The following KAT6A variants were observed in gnomAD, a reference collection of about 807,000 sequenced individuals.
KAT6A encodes the protein lysine acetyltransferase 6A.
In KAT6A, 9 loss-of-function variants were observed where a neutral mutation model predicts 198.4. That is an observed-to-expected ratio of 0.05 (90% CI 0.03 to 0.08). KAT6A has a LOEUF of 0.08. Among genes scored for constraint, KAT6A ranks in the 10% least tolerant of loss-of-function variants. KAT6A has a pLI of 1.00. For synonymous variants in KAT6A, 890 were observed against 883.0 expected, an observed-to-expected ratio of 1.01 and a Z score of -0.14; for missense variants, 2,077 against 2,509.9, an observed-to-expected ratio of 0.83 and a Z score of 3.69.
At chr8:42,019,581 C>G (rs1176395834) in intron 2 of KAT6A, among the ~76,000 whole-genome samples, 2 of 152,156 alleles carry the variant, frequency 1.3e-5, no homozygotes, top group Admixed American at 6.5e-5. Context: ...AAGAGGTTAA[C>G]TACTCTGCCA....
At position 41,934,230 on chromosome 8, in the gene KAT6A, C is replaced by T. The variant is rs1229306551; in HGVS notation, c.3990G>A (p.Lys1330=). 1.2e-6 allele frequency: 2 copies of T among 1,614,152 alleles called. No homozygotes were observed. The highest frequency in any genetic ancestry group is 3.3e-5 in the Admixed American group (2 of 60,016). ...CCCTCGTGGGCTGTTCCTCTAGCTC[C>T]TTTTTCTTTGTGGACTCCAGGTGGC... ...DDGHLESTKK[K]ELEEQPTRED... is the part of the protein sequence containing the mutation. Residue 1330 remains lysine (K), a synonymous_variant, in exon 17 of 17, where the codon AAG becomes AAA. Coordinates refer to ENST00000265713, the MANE Select transcript of KAT6A (RefSeq NM_006766.5).
intron 2 of KAT6A, among the ~76,000 whole-genome samples, chr8:42,025,534 C>T (rs536295374): frequency 1.3e-5 from 2 of 152,174 alleles, no homozygotes; most frequent in African/African-American, 4.8e-5. Context: ...TTTTATACAC[C>T]TGTTGGCCAT....
rs192840508 is a variant in KAT6A, at chr8:41,938,674, C to T, written c.3040-1106G>A. ...TATGTTAAACACAGGAGGCCAGGCGCGGTGGCTCACACCTGTAATCCCAGC... is the reference window on the plus strand; with the variant it reads ...TATGTTAAACACAGGAGGCCAGGCGTGGTGGCTCACACCTGTAATCCCAGC... On this transcript the variant is annotated intron_variant, in intron 15 of 16. Coordinates refer to ENST00000265713, the MANE Select transcript of KAT6A (RefSeq NM_006766.5). Among the ~76,000 whole-genome samples the T allele has an allele frequency of 2.1e-3, 313 of 152,140 alleles. 2 individuals are homozygous for T. Among genetic ancestry groups the T allele is most frequent in the African/African-American group, 7.1e-3 (295 of 41,508 alleles).
rs1276422074 is a variant in KAT6A, at chr8:41,933,695, A to G, written c.4525T>C (p.Tyr1509His). 6.2e-7 allele frequency: 1 copy of G among 1,614,050 alleles called. No homozygotes were observed. The highest frequency in any genetic ancestry group is 1.7e-5 in the Admixed American group (1 of 60,004). The change falls in exon 17 of 17, where the codon TAC becomes CAC. Residue 1509 changes from tyrosine to histidine, a missense_variant. By Grantham distance (83) the Tyr-to-His change is moderately conservative. Coordinates refer to ENST00000265713, the MANE Select transcript of KAT6A (RefSeq NM_006766.5). This position sits in a 1 kb window ranked among gnomAD's most constrained non-coding sequence, Gnocchi z 6.2. ...CCTTGTTCTGGGCTGATCTGGGTGT[A>G]GCCACTCTCAAGGGCAGGCACGTTG... is the stretch of plus-strand genomic sequence containing the variant. ...SPNVPALESG[Y>H]TQISPEQGSL...
chr8:42,023,632 C>T (rs554681349), intron 2 of KAT6A, among the ~76,000 whole-genome samples: 108 of 151,762 alleles, frequency 7.1e-4, no homozygotes, highest in Non-Finnish European at 1.3e-3. Flanking sequence ...GGACTATAGG[C>T]GCGCGCCACC....
In KAT6A at chr8:41,978,938, T is replaced by C. The variant is rs1198787011; in HGVS notation, c.908-161A>G. On this transcript the variant is annotated intron_variant, in intron 5 of 16. Coordinates refer to ENST00000265713, the MANE Select transcript of KAT6A (RefSeq NM_006766.5). Reference sequence around the variant, plus strand: ...AATCCAAAATAAACATTAAAACATATACACACAAAATTCTACAAATAATTG... The same window carrying C: ...AATCCAAAATAAACATTAAAACATACACACACAAAATTCTACAAATAATTG... 2.6e-5 allele frequency among the ~76,000 whole-genome samples: 4 copies of C among 152,110 alleles called. No homozygotes were observed. In the East Asian group the frequency reaches 7.7e-4, roughly 29 times the overall value.
chr8:42,040,998 T>A (rs1827639778), intron 2 of KAT6A, among the ~76,000 whole-genome samples: 1 of 151,572 alleles, frequency 6.6e-6, no homozygotes, highest in African/African-American at 2.4e-5. Flanking sequence ...AGTTTGAGAT[T>A]CGTCTGGCCA....
chr8:41,932,134 C>T lies in KAT6A; in HGVS notation c.*71G>A, dbSNP rs1206614117. ...TTTAACTGGAAAAAGGTCCATTTTT[C>T]TCTGGTTTGTCAGTATAAAAGGTTC... On this transcript the variant is annotated 3_prime_UTR_variant, in exon 17 of 17. Coordinates refer to ENST00000265713, the MANE Select transcript of KAT6A (RefSeq NM_006766.5). 5 of 1,268,248 alleles carry T rather than the reference C, an allele frequency of 3.9e-6. No homozygotes were observed. The African/African-American group carries it at 7.7e-5, about 19-fold the overall frequency. The allele number at this position is 1,268,248 out of a possible 1,614,324, so 78.6% of individuals were successfully genotyped here.
At chr8:41,948,841 A>G (rs548933858) in intron 10 of KAT6A, among the ~76,000 whole-genome samples, 1 of 152,250 alleles carries the variant, frequency 6.6e-6, no homozygotes, top group African/African-American at 2.4e-5. Flanking sequence ...CACGAAAACC[A>G]CAGAACTGAG....
At chr8:41,966,516 T>A (rs16890974) in intron 8 of KAT6A, among the ~76,000 whole-genome samples, 15,677 of 152,078 alleles carry the variant, frequency 0.1, 1,039 homozygotes, top group East Asian at 0.24. Context: ...ATAGTAGTCA[T>A]TGCTTCCTCA....
At chr8:41,940,251 T>C (rs971994039) in intron 15 of KAT6A, among the ~76,000 whole-genome samples, 11 of 152,198 alleles carry the variant, frequency 7.2e-5, no homozygotes, top group African/African-American at 1.4e-4. Flanking sequence ...TAATAACTAA[T>C]TGGCTATCAT....
intron 2 of KAT6A, among the ~76,000 whole-genome samples, chr8:42,001,342 T>A (rs1436999506): frequency 3.9e-5 from 6 of 152,176 alleles, no homozygotes; most frequent in African/African-American, 1.4e-4. Context: ...TCTCTGTAAC[T>A]AAGTAAGACA....
At chr8:41,979,772 G>A (rs537912041) in intron 5 of KAT6A, among the ~76,000 whole-genome samples, 8 of 152,260 alleles carry the variant, frequency 5.3e-5, no homozygotes, top group African/African-American at 1.9e-4. Context: ...AGGCCGAGGC[G>A]AACAGATCAC....
intron 16 of KAT6A, 126 bp downstream of exon 16, chr8:41,937,129 CA>C: frequency 1.5e-6 from 1 of 679,444 alleles, no homozygotes; most frequent in South Asian, 2.0e-5. Flanking sequence ...TAGAGATTGC[CA>C]AACGTTCCTT....
intron 2 of KAT6A, among the ~76,000 whole-genome samples, chr8:42,014,102 T>TC (rs1826151099): frequency 6.6e-6 from 1 of 152,272 alleles, no homozygotes; most frequent in African/African-American, 2.4e-5. Flanking sequence ...TTAATATTTT[T>TC]CAACCATTTA....
chr8:41,977,544 T>A (rs1281491856), intron 6 of KAT6A: 2 of 437,910 alleles, frequency 4.6e-6, no homozygotes, highest in African/African-American at 4.0e-5. Flanking sequence ...GTGCAAAGAA[T>A]GACAGGCCAG....
intron 1 of KAT6A, among the ~76,000 whole-genome samples, chr8:42,051,499 G>C (rs1208298807): frequency 4.8e-5 from 7 of 146,516 alleles, no homozygotes; most frequent in Non-Finnish European, 9.1e-5. Flanking sequence ...GGGTGGGCGC[G>C]CCCCGAGGGA....
At chr8:41,940,655 AACAC>A (rs369341254) in intron 15 of KAT6A, among the ~76,000 whole-genome samples, 183 bp downstream of exon 15, 18 of 152,156 alleles carry the variant, frequency 1.2e-4, no homozygotes. Context: ...AAAGAAGTCA[AACAC>A]ACACACACAT....
At chr8:42,001,726 G>C (rs564287993) in intron 2 of KAT6A, among the ~76,000 whole-genome samples, 74 of 152,128 alleles carry the variant, frequency 4.9e-4, no homozygotes, top group Non-Finnish European at 9.3e-4. Context: ...AGTTCCTGAG[G>C]ATCTGTACAG....
Sources: allele counts gnomAD v4.1 joint callset (sites outside exome capture counted in the v4.1 genomes callset), GRCh38; gene constraint gnomAD v4.1.1; non-coding constraint Gnocchi (gnomAD v3.1); transcripts MANE v1.5; gene names NCBI Gene and HGNC (gene_info 2026-07-23, HGNC 2026-07-21).